LDHAL6A: variants seen among roughly 807,000 people sequenced by gnomAD.
The protein encoded by LDHAL6A is L-lactate dehydrogenase A-like 6A.
A neutral mutation model predicts 28.2 loss-of-function variants in LDHAL6A; 19 were observed. The ratio of observed to expected loss-of-function variants is 0.67; its 90% CI spans 0.47 to 0.99. The LOEUF (loss-of-function observed/expected upper bound fraction) is 0.99, where lower values mean the gene tolerates loss of function less well. Among genes scored for constraint, LDHAL6A ranks in the 50% least tolerant of loss-of-function variants. LDHAL6A has a pLI of 0.00. For missense variants in LDHAL6A, 372 were observed against 398.6 expected (o/e 0.93, Z 0.57); for synonymous variants, 144 against 134.4 (o/e 1.07, Z -0.49).
intron 3 of LDHAL6A, chr11:18,468,614 ACAGG>A (rs1340430246): frequency 1.3e-5 from 2 of 152,154 alleles, no homozygotes. Flanking sequence ...TGCTGGGACT[ACAGG>A]CATGAGCCAC....
rs986456015 is a variant in LDHAL6A, at chr11:18,456,429, C to G, written c.-252C>G. The G allele has an allele frequency of 2.1e-5, 9 of 438,276 alleles. No homozygotes were observed. Among genetic ancestry groups the G allele is most frequent in the African/African-American group, 1.4e-4 (7 of 48,618 alleles). 27.1% of individuals were successfully genotyped at this position (438,276 alleles called of 1,614,324 possible). A position where few individuals can be genotyped will look rare whatever the true frequency, so the allele number is the denominator to read the frequency against. The stretch of plus-strand genomic sequence containing the variant: ...TTCCTCTCTCTCTCTCTTAATTCCT[C>G]TTAACTGTACTCACGCTTCCTTCTC... On this transcript the variant is annotated 5_prime_UTR_variant, in exon 1 of 7. Coordinates refer to ENST00000280706, the MANE Select transcript of LDHAL6A (RefSeq NM_144972.5).
At chr11:18,464,977 G>GTTTTTTGTTTTTTTTTTTT (rs1849015131) in intron 2 of LDHAL6A, among the ~76,000 whole-genome samples, 1 of 125,490 alleles carries the variant, frequency 8.0e-6, no homozygotes, top group African/African-American at 3.4e-5. Context: ...TGTTTTTTTT[G>GTTTTTTGTTTTTTTTTTTT]TTTTTTTTTG....
At chr11:18,461,915 C>T (rs1244907387) in intron 1 of LDHAL6A, among the ~76,000 whole-genome samples, 1 of 149,626 alleles carries the variant, frequency 6.7e-6, no homozygotes, top group Non-Finnish European at 1.5e-5. Context: ...CTTTGGTAGG[C>T]TGAGGCAGGC....
At position 18,457,657 on chromosome 11, in the gene LDHAL6A, G is replaced by A. The variant is rs577670399; in HGVS notation, c.126+851G>A. Among the ~76,000 whole-genome samples the A allele has an allele frequency of 9.2e-5, 14 of 152,196 alleles. No individual in the cohort carries two copies. The South Asian group carries it at 2.9e-3, about 32-fold the overall frequency. ...CTATTGTAATGCCTTTATCAGCAGT[G>A]TCCTCACTGCTAATGAAGAATACAC... On this transcript the variant is annotated intron_variant, in intron 1 of 6. Coordinates refer to ENST00000280706, the MANE Select transcript of LDHAL6A (RefSeq NM_144972.5).
intron 3 of LDHAL6A, among the ~76,000 whole-genome samples, chr11:18,467,874 T>C (rs111530802): frequency 0.038 from 1,404 of 36,922 alleles, 162 homozygotes; most frequent in South Asian, 0.045. Context: ...TATATATATA[T>C]ACACACATAT....
Position 18,455,874 on chromosome 11 carries a change from GCCAAGCA to G in LDHAL6A, c.-806_-800del, listed in dbSNP as rs1409993580. 3.2e-4 allele frequency: 1 copy of G among 3,108 alleles called. No individual in the cohort carries two copies. The highest frequency in any genetic ancestry group is 6.5e-4 in the Non-Finnish European group (1 of 1,530). 0.2% of individuals were successfully genotyped at this position (3,108 alleles called of 1,614,324 possible). A position where few individuals can be genotyped will look rare whatever the true frequency, so the allele number is the denominator to read the frequency against. On this transcript the variant is annotated 5_prime_UTR_variant, in exon 1 of 7. Coordinates refer to ENST00000280706, the MANE Select transcript of LDHAL6A (RefSeq NM_144972.5). ...GCAGCCCGCTTCCGGCCTCACACCT[GCCAAGCA>G]TCACACCTGCCAAGCATCACACCTG...
At position 18,478,695 on chromosome 11, in the gene LDHAL6A, T is replaced by C. The variant is rs1335584400; in HGVS notation, c.835-11T>C. The stretch of plus-strand genomic sequence containing the variant: ...TTAAAAAAGGAATAATTTTTAAGTC[T>C]TTACTTTCAGGGCCTCTATGGAATA... On this transcript the variant is annotated splice_polypyrimidine_tract_variant and intron_variant, in intron 6 of 6. Coordinates refer to ENST00000280706, the MANE Select transcript of LDHAL6A (RefSeq NM_144972.5). The C allele has an allele frequency of 6.3e-7, 1 of 1,594,760 alleles. No individual in the cohort carries two copies. The highest frequency in any genetic ancestry group is 8.5e-7 in the Non-Finnish European group (1 of 1,171,840).
At chr11:18,460,202 G>C (rs1848862432) in intron 1 of LDHAL6A, among the ~76,000 whole-genome samples, 1 of 152,202 alleles carries the variant, frequency 6.6e-6, no homozygotes, top group Admixed American at 6.5e-5. Context: ...GGGAGACCAA[G>C]GCAGTAGTAT....
chr11:18,474,118 C>T (rs1380809046), intron 3 of LDHAL6A, among the ~76,000 whole-genome samples: 11 of 152,052 alleles, frequency 7.2e-5, no homozygotes, highest in African/African-American at 2.7e-4. Context: ...CTTGCTCTGT[C>T]GCCCAGGCTG....
chr11:18,477,445 C>A (rs1393192281), intron 5 of LDHAL6A, among the ~76,000 whole-genome samples, 175 bp from the exon 6 acceptor site: 1 of 144,212 alleles, frequency 6.9e-6, no homozygotes, highest in South Asian at 2.3e-4. Flanking sequence ...GGTGACAGAG[C>A]AAGACTTAAA....
intron 3 of LDHAL6A, among the ~76,000 whole-genome samples, chr11:18,470,833 T>C (rs1849239753): frequency 6.6e-6 from 1 of 151,690 alleles, no homozygotes; most frequent in Non-Finnish European, 1.5e-5. Flanking sequence ...ATTACAGGCG[T>C]GCACTACCAC....
At chr11:18,468,678 G>C (rs1849184648) in intron 3 of LDHAL6A, 1 of 152,136 alleles carries the variant, frequency 6.6e-6, no homozygotes, top group South Asian at 2.1e-4. Context: ...AGTTTCAGCT[G>C]TTACTTCTTT....
At chr11:18,462,500 G>A (rs999658131) in intron 1 of LDHAL6A, among the ~76,000 whole-genome samples, 28 of 152,076 alleles carry the variant, frequency 1.8e-4, no homozygotes, top group African/African-American at 5.1e-4. Context: ...AGCCAGGTGT[G>A]GTGGCGGGCG....
At chr11:18,467,926 C>CACATAT (rs1362184550) in intron 3 of LDHAL6A, among the ~76,000 whole-genome samples, 4 of 55,456 alleles carry the variant, frequency 7.2e-5, no homozygotes, top group African/African-American at 3.8e-4. Flanking sequence ...TATACACACA[C>CACATAT]ATATATATAT....
chr11:18,475,308 ATATTCT>A, intron 3 of LDHAL6A, 152 bp from the exon 4 acceptor site: 1 of 581,828 alleles, frequency 1.7e-6, no homozygotes, highest in Admixed American at 3.2e-5. Context: ...TATTTGGTAG[ATATTCT>A]TAAGAGTTGG....
At position 18,475,587 on chromosome 11, in the gene LDHAL6A, C is replaced by T; in HGVS notation, c.540C>T (p.Ile180=). 1 of 1,614,138 alleles carries T rather than the reference C, an allele frequency of 6.2e-7. No homozygotes were observed. Among genetic ancestry groups the T allele is most frequent in the Non-Finnish European group, 8.5e-7 (1 of 1,180,018 alleles). ...FRYFIGQRLG[I]HSESCHGLIL... ...ACTTTATTGGGCAAAGGCTTGGCAT[C>T]CACTCTGAAAGCTGTCATGGGCTGA... The change falls in exon 4 of 7, where the codon ATC becomes ATT. Residue 180 remains isoleucine (I), a synonymous_variant. Transcript: ENST00000280706.
At chr11:18,475,806 A>G in intron 4 of LDHAL6A, 167 bp downstream of exon 4, 1 of 524,538 alleles carries the variant, frequency 1.9e-6, no homozygotes, top group South Asian at 3.5e-5. Context: ...AACCAACAAA[A>G]AATACAGATT....
In LDHAL6A at chr11:18,478,733, T is replaced by C; in HGVS notation, c.862T>C (p.Phe288Leu). ...CCTCTATGGAATAAATGAAGACATA[T>C]TCCTTAGTGTCCCATGTATCCTGGG... ...KGLYGINEDIFLSVPCILGEN... is the reference protein window; with the variant it reads ...KGLYGINEDILLSVPCILGEN... Residue 288 changes from phenylalanine (F) to leucine (L), a missense_variant, in exon 7 of 7, where the codon TTC becomes CTC. Phe to Leu is a conservative substitution (Grantham distance 22). Around this residue, in one of 3 missense-constraint regions of LDHAL6A, gnomAD observed 291 missense variants for 302.9 expected, o/e 0.96. Coordinates refer to ENST00000280706, the MANE Select transcript of LDHAL6A (RefSeq NM_144972.5). The C allele has an allele frequency of 1.2e-6, 2 of 1,611,528 alleles. No individual in the cohort carries two copies. Among genetic ancestry groups the C allele is most frequent in the Non-Finnish European group, 1.7e-6 (2 of 1,178,714 alleles).
Position 18,456,750 on chromosome 11 carries a change from T to A in LDHAL6A, c.70T>A (p.Ser24Thr). 6.2e-7 allele frequency: 1 copy of A among 1,613,556 alleles called. No homozygotes were observed. The highest frequency in any genetic ancestry group is 8.5e-7 in the Non-Finnish European group (1 of 1,179,554). ...EEEAIHHNKI[S>T]IVGTGSVGVA... is the part of the protein sequence containing the mutation. ...GGAGGCCATTCATCACAATAAGATCTCCATTGTAGGAACTGGATCGGTTGG... is the reference window on the plus strand; with the variant it reads ...GGAGGCCATTCATCACAATAAGATCACCATTGTAGGAACTGGATCGGTTGG... The change falls in exon 1 of 7, where the codon TCC becomes ACC. Residue 24 changes from serine to threonine, a missense_variant. Around this residue, in one of 3 missense-constraint regions of LDHAL6A, gnomAD observed 77 missense variants for 77.9 expected, o/e 0.99. Coordinates refer to ENST00000280706, the MANE Select transcript of LDHAL6A (RefSeq NM_144972.5).
Sources: gnomAD v4.1 joint callset for allele counts (sites outside exome capture counted in the v4.1 genomes callset) on GRCh38, gnomAD v4.1.1 for gene constraint, gnomAD v4.1.1 regional missense constraint, MANE v1.5 for transcripts, NCBI Gene and HGNC (gene_info 2026-07-23, HGNC 2026-07-21) for gene names.